Variants in VPS53 observed in about 807,000 individuals in gnomAD.
The protein encoded by VPS53 is vacuolar protein sorting-associated protein 53 homolog.
Under a neutral mutation model 107.0 loss-of-function variants are expected in VPS53, and 70 were observed. The observed-to-expected ratio is 0.65, with a 90% confidence interval of 0.54 to 0.80. The LOEUF (loss-of-function observed/expected upper bound fraction) is 0.80. Ranked by LOEUF, VPS53 falls within the 30% of genes least tolerant of loss-of-function variation. The pLI, the probability that VPS53 is intolerant of heterozygous loss-of-function variation, is 0.00. For synonymous variants in VPS53, 409 were observed against 393.3 expected (o/e 1.04, Z -0.47); for missense variants, 917 against 1,049.4 (o/e 0.87, Z 1.74).
At chr17:647,715 TGCCAAGCTCG>T (rs1254493877) in intron 7 of VPS53, among the ~76,000 whole-genome samples, 1 of 152,184 alleles carries the variant, frequency 6.6e-6, no homozygotes, top group African/African-American at 2.4e-5. Context: ...CCTAGCGTTC[TGCCAAGCTCG>T]GCAAGATGCA....
At chr17:542,270 G>A (rs891972863) in intron 17 of VPS53, among the ~76,000 whole-genome samples, 3 of 152,228 alleles carry the variant, frequency 2.0e-5, no homozygotes, top group Non-Finnish European at 2.9e-5. Context: ...ATTGAGGACA[G>A]CGAGTGACCT....
intron 4 of VPS53, among the ~76,000 whole-genome samples, chr17:662,751 G>GAGAAAGAAAGAAAGAAAGAA (rs148578494): frequency 0.013 from 1,068 of 79,926 alleles, 21 homozygotes; most frequent in East Asian, 0.07. Flanking sequence ...GACAAAGAAA[G>GAGAAAGAAAGAAAGAAAGAA]AGAAAGAAAG....
chr17:550,926 G>A (rs1911761900), intron 17 of VPS53, among the ~76,000 whole-genome samples: 1 of 152,160 alleles, frequency 6.6e-6, no homozygotes. Flanking sequence ...CCAGAGCTCA[G>A]AAGGAGTTGG....
At chr17:594,489 G>C (rs1967850706) in intron 12 of VPS53, among the ~76,000 whole-genome samples, 2 of 150,298 alleles carry the variant, frequency 1.3e-5, no homozygotes, top group African/African-American at 2.5e-5. Context: ...AGATGGGAAG[G>C]GGTCTGGATC....
At chr17:652,340 T>C (rs1970986305) in intron 7 of VPS53, among the ~76,000 whole-genome samples, 2 of 152,172 alleles carry the variant, frequency 1.3e-5, no homozygotes. Flanking sequence ...ATCTATCCCA[T>C]CCCACATGCT....
chr17:696,684 A>G (rs11657201), intron 4 of VPS53, among the ~76,000 whole-genome samples: 28,230 of 151,818 alleles, frequency 0.19, 3,069 homozygotes, highest in Middle Eastern at 0.25. Flanking sequence ...TCCTCCCTAC[A>G]CACTTTTCCC....
At chr17:531,570 T>A (rs1398152504) in intron 19 of VPS53, among the ~76,000 whole-genome samples, 2 of 151,972 alleles carry the variant, frequency 1.3e-5, no homozygotes, top group East Asian at 1.9e-4. Context: ...AGCGGCACGA[T>A]CATAGCTCAC....
rs559494189 is a variant in VPS53 at position 622,618 on chromosome 17, C to T, written c.1116+915G>A. Among the ~76,000 whole-genome samples, 5 of 152,314 alleles carry T rather than the reference C, an allele frequency of 3.3e-5. No individual in the cohort carries two copies. In the South Asian group the frequency reaches 1.0e-3, roughly 32 times the overall value. On this transcript the variant is annotated intron_variant, in intron 11 of 21. Transcript: ENST00000437048. The stretch of plus-strand genomic sequence containing the variant: ...GATGCAAACAGAAATTACCATAGAA[C>T]AGAGTCACTTGGTTTCCCAGTGGAC...
At chr17:629,057 T>A (rs1164606384) in intron 8 of VPS53, among the ~76,000 whole-genome samples, 8 of 152,252 alleles carry the variant, frequency 5.3e-5, no homozygotes, top group Admixed American at 3.9e-4. Context: ...GAGCACTTGC[T>A]CACCTCATAT....
At chr17:561,721 C>A (rs1010819717) in intron 14 of VPS53, among the ~76,000 whole-genome samples, 3 of 152,224 alleles carry the variant, frequency 2.0e-5, no homozygotes, top group African/African-American at 7.2e-5. Context: ...CCTCCGCCTC[C>A]CGGGTTCAAG....
intron 4 of VPS53, chr17:674,638 G>A (rs1972083814): frequency 1.3e-5 from 2 of 152,294 alleles, no homozygotes; most frequent in South Asian, 4.1e-4. Context: ...ATACTGAGGG[G>A]GACCAAGCTG....
intron 12 of VPS53, among the ~76,000 whole-genome samples, chr17:590,354 C>A (rs1395229259): frequency 6.6e-6 from 1 of 152,092 alleles, no homozygotes; most frequent in Non-Finnish European, 1.5e-5. Context: ...CTTCTCCTAA[C>A]TGAATACCCT....
intron 13 of VPS53, among the ~76,000 whole-genome samples, chr17:572,589 C>G (rs1011569838): frequency 3.3e-5 from 5 of 151,678 alleles, no homozygotes; most frequent in South Asian, 2.1e-4. Flanking sequence ...AATAGAAAGG[C>G]GGGAAAGGTG....
chr17:581,818 A>G (rs1025851101), intron 13 of VPS53, among the ~76,000 whole-genome samples: 2 of 151,862 alleles, frequency 1.3e-5, no homozygotes, highest in African/African-American at 4.8e-5. Context: ...TTCCCAGAGA[A>G]CTTCCCTTAG....
At chr17:701,007 A>C (rs1973177269) in intron 2 of VPS53, among the ~76,000 whole-genome samples, 1 of 152,138 alleles carries the variant, frequency 6.6e-6, no homozygotes, top group Non-Finnish European at 1.5e-5. Flanking sequence ...AATTTTCAGA[A>C]ATCCAAGAAC....
At chr17:689,025 G>A (rs1185468022) in intron 4 of VPS53, among the ~76,000 whole-genome samples, 1 of 152,190 alleles carries the variant, frequency 6.6e-6, no homozygotes, top group African/African-American at 2.4e-5. Context: ...AAGCTCAGTC[G>A]CTTTAGCTGT....
rs78234771 is a variant in VPS53 at position 648,162 on chromosome 17, G to A, written c.608+5129C>T. Among the ~76,000 whole-genome samples, 1,074 of 152,350 alleles carry A rather than the reference G, an allele frequency of 7.0e-3. 17 individuals carry two copies. Among genetic ancestry groups the A allele is most frequent in the East Asian group, 0.055 (288 of 5,194 alleles). ...CCCTCACTTTGGAAAAGCTGTCTGTGATACACTTAGCCAAGTAGCAATTCC... is the reference window on the plus strand; with the variant it reads ...CCCTCACTTTGGAAAAGCTGTCTGTAATACACTTAGCCAAGTAGCAATTCC... On this transcript the variant is annotated intron_variant, in intron 7 of 21. Transcript: ENST00000437048.
chr17:608,164 C>T (rs1022634329), intron 11 of VPS53, among the ~76,000 whole-genome samples: 2 of 152,206 alleles, frequency 1.3e-5, no homozygotes, highest in Non-Finnish European at 2.9e-5. Context: ...GGGGTTCACA[C>T]ACTTGGTGTC....
chr17:703,525 A>C (rs1973285693), intron 2 of VPS53, among the ~76,000 whole-genome samples: 3 of 152,170 alleles, frequency 2.0e-5, no homozygotes, highest in Admixed American at 2.0e-4. Flanking sequence ...CCCTGTGGGA[A>C]TCCACATTGG....
Sources: gnomAD v4.1 joint callset for allele counts (sites outside exome capture counted in the v4.1 genomes callset) on GRCh38, gnomAD v4.1.1 for gene constraint, MANE v1.5 for transcripts, NCBI Gene and HGNC (gene_info 2026-07-23, HGNC 2026-07-21) for gene names.